Variants in PTPRE observed in about 807,000 individuals in gnomAD.
The protein encoded by PTPRE is protein tyrosine phosphatase receptor type E.
PTPRE carries 51 observed loss-of-function variants against 102.0 expected under a neutral mutation model. That is an observed-to-expected ratio of 0.50 (90% CI 0.40 to 0.63). The LOEUF is 0.63. Ranked by LOEUF, PTPRE falls within the 30% of genes least tolerant of loss-of-function variation. The pLI is 0.00. For missense variants in PTPRE, 752 were observed against 915.1 expected, an observed-to-expected ratio of 0.82 and a Z score of 2.30; for synonymous variants, 345 against 348.2, an observed-to-expected ratio of 0.99 and a Z score of 0.10.
chr10:127,948,329 C>T (rs911662439), intron 1 of PTPRE, among the ~76,000 whole-genome samples: 1 of 152,160 alleles, frequency 6.6e-6, no homozygotes, highest in African/African-American at 2.4e-5. Context: ...CCTACACACA[C>T]ACAGCCTCCC....
chr10:127,986,822 A>G (rs1852129391), intron 2 of PTPRE, among the ~76,000 whole-genome samples: 1 of 152,260 alleles, frequency 6.6e-6, no homozygotes, highest in African/African-American at 2.4e-5. Context: ...GGCAGGAGCT[A>G]TATGCCCCGG....
intron 1 of PTPRE, among the ~76,000 whole-genome samples, chr10:127,975,196 G>T (rs568980577): frequency 6.6e-6 from 1 of 152,286 alleles, no homozygotes; most frequent in East Asian, 1.9e-4. Context: ...AGCCCCGTGA[G>T]ACACGGTTGT....
chr10:128,011,540 C>T (rs1845012197), intron 2 of PTPRE, among the ~76,000 whole-genome samples: 1 of 152,232 alleles, frequency 6.6e-6, no homozygotes, highest in African/African-American at 2.4e-5. Flanking sequence ...GGCATAGCAC[C>T]CGGGCTTCAA....
intron 2 of PTPRE, among the ~76,000 whole-genome samples, chr10:128,021,935 C>T (rs549675890): frequency 3.9e-5 from 6 of 152,268 alleles, no homozygotes; most frequent in Admixed American, 1.3e-4. Flanking sequence ...AGTAGTTGGC[C>T]GCAATTTTCA....
chr10:128,001,058 A>T (rs2135553912), intron 2 of PTPRE, among the ~76,000 whole-genome samples: 2 of 152,334 alleles, frequency 1.3e-5, no homozygotes, highest in Middle Eastern at 6.8e-3. Context: ...TCACACTAAG[A>T]GAGAATATTT....
At chr10:127,912,648 T>C (rs1845941783) in intron 1 of PTPRE, among the ~76,000 whole-genome samples, 1 of 152,222 alleles carries the variant, frequency 6.6e-6, no homozygotes, top group South Asian at 2.1e-4. Context: ...GGATCCCAGG[T>C]CTGGGTGCCA....
Position 127,960,806 on chromosome 10 carries a change from T to G in PTPRE, c.-30-21468T>G, listed in dbSNP as rs189034087. On this transcript the variant is annotated intron_variant, in intron 1 of 20. Coordinates refer to ENST00000254667, the MANE Select transcript of PTPRE (RefSeq NM_006504.6). ...TGGGAGGCCGAGGTGGGCGGATCAC[T>G]AGGTCAGGAGATCAAGACCATCCTA... is the stretch of plus-strand genomic sequence containing the variant. Among the ~76,000 whole-genome samples, 193 of 152,078 alleles carry G rather than the reference T, an allele frequency of 1.3e-3. 1 individual carries two copies. The highest frequency in any genetic ancestry group is 3.4e-3 in the Middle Eastern group (1 of 294).
intron 1 of PTPRE, among the ~76,000 whole-genome samples, chr10:127,957,355 T>G (rs941578640): frequency 3.3e-5 from 5 of 152,228 alleles, no homozygotes; most frequent in Non-Finnish European, 7.3e-5. Flanking sequence ...TTGTATTGCC[T>G]TCACTCCTTT....
In PTPRE at chr10:127,907,909, G is replaced by C. The variant is rs967272982; in HGVS notation, c.-31+600G>C. ...AGGGAGACCCTGGCAGGTGGTCCAG[G>C]CTGGACTGCCGCGATTTGCAGGGTC... On this transcript the variant is annotated intron_variant, in intron 1 of 20. Transcript: ENST00000254667. This position sits in a 1 kb window ranked among gnomAD's most constrained non-coding sequence, Gnocchi z 4.8. Among the ~76,000 whole-genome samples, 11 of 152,306 alleles carry C rather than the reference G, an allele frequency of 7.2e-5. No individual in the cohort carries two copies. The highest frequency in any genetic ancestry group is 5.8e-4 in the East Asian group (3 of 5,152).
intron 10 of PTPRE, 140 bp downstream of exon 10, chr10:128,063,320 T>G: frequency 7.0e-7 from 1 of 1,433,156 alleles, no homozygotes; most frequent in Non-Finnish European, 9.3e-7. Context: ...ACACATGCAG[T>G]GGCTTACAGC....
chr10:128,019,631 G>GCCCATCCATCCA (rs112356669), intron 2 of PTPRE, among the ~76,000 whole-genome samples: 26,971 of 140,758 alleles, frequency 0.19, 2,757 homozygotes, highest in Non-Finnish European at 0.24. Flanking sequence ...TCCTATGTCA[G>GCCCATCCATCCA]CCCATTCATT....
At chr10:128,018,187 G>T (rs1845590203) in intron 2 of PTPRE, among the ~76,000 whole-genome samples, 1 of 152,070 alleles carries the variant, frequency 6.6e-6, no homozygotes, top group African/African-American at 2.4e-5. Context: ...GGAGCTTTGG[G>T]GCGGGGGGCA....
At chr10:128,068,519 G>T (rs1016624397) in intron 12 of PTPRE, 2 of 386,108 alleles carry the variant, frequency 5.2e-6, no homozygotes, top group Non-Finnish European at 9.1e-6. Flanking sequence ...GGAGGCTCCG[G>T]TTGATGGTGG....
intron 1 of PTPRE, among the ~76,000 whole-genome samples, chr10:127,940,630 C>T (rs1479621894): frequency 1.3e-5 from 2 of 152,182 alleles, no homozygotes; most frequent in Non-Finnish European, 2.9e-5. Context: ...AGCTGAGTCC[C>T]AGATGGATGT....
chr10:128,080,991 T>G (rs1039200523), intron 20 of PTPRE, among the ~76,000 whole-genome samples: 4 of 152,160 alleles, frequency 2.6e-5, no homozygotes, highest in African/African-American at 7.2e-5. Flanking sequence ...ACAAGGAGTG[T>G]TCTGCAGGTG....
At position 128,084,449 on chromosome 10, in the gene PTPRE, A is replaced by G. The variant is rs1564986968; in HGVS notation, c.*1543A>G. The G allele has an allele frequency of 1.3e-5, 2 of 152,368 alleles. No homozygotes were observed. Among genetic ancestry groups the G allele is most frequent in the East Asian group, 1.9e-4 (1 of 5,188 alleles). The allele number at this position is 152,368 out of a possible 1,614,324, so 9.4% of individuals were successfully genotyped here. A position where few individuals can be genotyped will look rare whatever the true frequency, so the allele number is the denominator to read the frequency against. On this transcript the variant is annotated 3_prime_UTR_variant, in exon 21 of 21. Coordinates refer to ENST00000254667, the MANE Select transcript of PTPRE (RefSeq NM_006504.6). ...CCCCAGGACACATTATTGTTCTGAT[A>G]GATGCTCACAGGGAATCAAGCTTCT...
At chr10:128,055,808 T>C (rs1012881403) in intron 6 of PTPRE, among the ~76,000 whole-genome samples, 3 of 152,218 alleles carry the variant, frequency 2.0e-5, no homozygotes, top group Non-Finnish European at 2.9e-5. Flanking sequence ...CCAGGGTCCA[T>C]GGGCCCTGAG....
In PTPRE at chr10:127,982,312, T is replaced by C; in HGVS notation, c.-8+16T>C. 8.2e-7 allele frequency: 1 copy of C among 1,226,056 alleles called. No homozygotes were observed. The highest frequency in any genetic ancestry group is 1.6e-5 in the African/African-American group (1 of 63,476). The allele number at this position is 1,226,056 out of a possible 1,614,324, so 75.9% of individuals were successfully genotyped here. ...CTTTCCCTCGGTGAGTACAAAACTT[T>C]TTAAAAATTATTTTTGATGTACAGA... On this transcript the variant is annotated intron_variant, in intron 2 of 20. Coordinates refer to ENST00000254667, the MANE Select transcript of PTPRE (RefSeq NM_006504.6).
chr10:127,948,055 C>T (rs1848751240), intron 1 of PTPRE, among the ~76,000 whole-genome samples: 1 of 152,104 alleles, frequency 6.6e-6, no homozygotes, highest in Non-Finnish European at 1.5e-5. Flanking sequence ...GGGTTTTCTC[C>T]TAGGAGGGGT....
Sources: gnomAD v4.1 joint callset for allele counts (sites outside exome capture counted in the v4.1 genomes callset) on GRCh38, gnomAD v4.1.1 for gene constraint, Gnocchi (gnomAD v3.1) non-coding constraint, MANE v1.5 for transcripts, NCBI Gene and HGNC (gene_info 2026-07-23, HGNC 2026-07-21) for gene names.